MYH1: variants seen among roughly 807,000 people sequenced by gnomAD.
MYH1 encodes the protein myosin heavy chain 1, also known as myosin-1.
Under a neutral mutation model 225.6 loss-of-function variants are expected in MYH1, and 214 were observed. The observed-to-expected ratio is 0.95, with a 90% confidence interval of 0.85 to 1.06. The LOEUF is 1.06. MYH1 is among the 50% of genes least tolerant of loss of function. The pLI is 0.00. For synonymous variants in MYH1, 774 were observed against 842.3 expected (o/e 0.92, Z 1.40); for missense variants, 2,098 against 2,344.2 (o/e 0.89, Z 2.17).
At position 10,497,414 on chromosome 17, in the gene MYH1, A is replaced by G. The variant is rs375586690; in HGVS notation, c.4404T>C (p.His1468=). ...AEWKQKCEET[H]AELEASQKES... ...CCTTTTGAGAAGCTTCAAGTTCAGC[A>G]TGAGTTTCTTCACACTTCTGTTTCC... The change falls in exon 32 of 40, where the codon CAT becomes CAC. Residue 1468 remains histidine (H), a synonymous_variant. Coordinates refer to ENST00000226207, the MANE Select transcript of MYH1 (RefSeq NM_005963.4). The G allele has an allele frequency of 2.5e-5, 40 of 1,612,064 alleles. No individual in the cohort carries two copies. Among genetic ancestry groups the G allele is most frequent in the Middle Eastern group, 1.7e-4 (1 of 5,904 alleles).
At position 10,492,480 on chromosome 17, in the gene MYH1, G is replaced by C. The variant is rs536586200; in HGVS notation, c.5756C>G (p.Ser1919Cys). 6.2e-7 allele frequency: 1 copy of C among 1,614,120 alleles called. No homozygotes were observed. The highest frequency in any genetic ancestry group is 1.3e-5 in the African/African-American group (1 of 75,034). ...EAEERADIAESQVNKLRVKSR... is the reference protein window; with the variant it reads ...EAEERADIAECQVNKLRVKSR... ...CTTCACCCTCAGCTTGTTGACCTGG[G>C]ACTCAGCAATGTCAGCCCGTTCCTC... The change falls in exon 40 of 40, where the codon TCC (serine) becomes TGC (cysteine). Residue 1919 changes from serine to cysteine, a missense_variant. Coordinates refer to ENST00000226207, the MANE Select transcript of MYH1 (RefSeq NM_005963.4).
At position 10,496,762 on chromosome 17, in the gene MYH1, T is replaced by A. The variant is rs915431957; in HGVS notation, c.4657-213A>T. On this transcript the variant is annotated intron_variant, in intron 33 of 39. Transcript: ENST00000226207. ...CCTTTGTGCTGCCATCATACATTTT[T>A]ATTTTGTTGTTTTAGACATTTCTAC... is the stretch of plus-strand genomic sequence containing the variant. 2.0e-5 allele frequency among the ~76,000 whole-genome samples: 3 copies of A among 152,252 alleles called. No individual in the cohort carries two copies. In the East Asian group the frequency reaches 5.8e-4, roughly 29 times the overall value.
chr17:10,502,588 T>A, intron 24 of MYH1, 150 bp downstream of exon 24: 1 of 1,197,208 alleles, frequency 8.4e-7, no homozygotes. Flanking sequence ...TGTGTGTACA[T>A]CTTAGACCTT....
At position 10,516,535 on chromosome 17, in the gene MYH1, T is replaced by C. The variant is rs1457111152; in HGVS notation, c.108A>G (p.Thr36=). 1.2e-6 allele frequency: 2 copies of C among 1,614,180 alleles called. No homozygotes were observed. The highest frequency in any genetic ancestry group is 1.7e-5 in the Admixed American group (1 of 60,012). The change falls in exon 3 of 40, where the codon ACA becomes ACG. Residue 36 remains threonine, a synonymous_variant. Transcript: ENST00000226207. ...CCTTAGGGTCCACCACAAAGACTGA[T>C]GTCTTGGCATCAAAAGGCTTGTTCT... The part of the protein sequence containing the change: ...EAQNKPFDAK[T]SVFVVDPKES...
intron 16 of MYH1, 108 bp downstream of exon 16, chr17:10,508,255 G>T: frequency 2.4e-6 from 3 of 1,271,944 alleles, no homozygotes; most frequent in South Asian, 3.0e-5. Flanking sequence ...CTGACCTCAG[G>T]CAATCTACCC....
intron 22 of MYH1, 91 bp downstream of exon 22, chr17:10,504,719 C>T: frequency 2.9e-6 from 4 of 1,402,794 alleles, no homozygotes; most frequent in Non-Finnish European, 3.9e-6. Flanking sequence ...CATAATCTGT[C>T]CCTTATTTGG....
intron 22 of MYH1, among the ~76,000 whole-genome samples, chr17:10,503,910 T>C (rs550577067): frequency 6.6e-6 from 1 of 152,236 alleles, no homozygotes; most frequent in East Asian, 1.9e-4. Context: ...CTCCTGTTTC[T>C]TGAAGGCACG....
intron 38 of MYH1, 37 bp downstream of exon 38, chr17:10,494,532 G>A (rs1251966425): frequency 1.9e-6 from 3 of 1,611,710 alleles, no homozygotes; most frequent in South Asian, 2.2e-5. Context: ...ATCCCATGTG[G>A]ACTAAAGTGA....
At chr17:10,502,179 C>G (rs1418325671) in intron 24 of MYH1, among the ~76,000 whole-genome samples, 1 of 152,188 alleles carries the variant, frequency 6.6e-6, no homozygotes, top group Admixed American at 6.5e-5. Context: ...CAATACTTTT[C>G]CAGCTGGGAT....
At position 10,507,919 on chromosome 17, in the gene MYH1, A is replaced by G. The variant is rs968387289; in HGVS notation, c.1935T>C (p.Gly645=). The G allele has an allele frequency of 8.7e-6, 14 of 1,613,592 alleles. No homozygotes were observed. In the African/African-American group the frequency reaches 1.9e-4, roughly 22 times the overall value. Residue 645 remains glycine (G), a synonymous_variant, in exon 17 of 40, where the codon GGT becomes GGC. Coordinates refer to ENST00000226207, the MANE Select transcript of MYH1 (RefSeq NM_005963.4). ...GGGKKGGKKK[G]SSFQTVSALF... Reference sequence around the variant, plus strand: ...GAGCAGACACAGTCTGGAAAGAAGAACCCTTCTTCTTACCACCTTTCTTTC... The same window carrying G: ...GAGCAGACACAGTCTGGAAAGAAGAGCCCTTCTTCTTACCACCTTTCTTTC...
In MYH1 at chr17:10,508,690, A is replaced by T. The variant is rs1473274354; in HGVS notation, c.1588-18T>A. 1.9e-6 allele frequency: 3 copies of T among 1,611,332 alleles called. No individual in the cohort carries two copies. The highest frequency in any genetic ancestry group is 4.5e-5 in the East Asian group (2 of 44,878). ...CCCATAGGCTGGAAGAATGAAAAGA[A>T]ATAAATGCCACTTGAATTCTGTCTG... On this transcript the variant is annotated intron_variant, in intron 15 of 39. Transcript: ENST00000226207.
chr17:10,512,404 G>C lies in MYH1; in HGVS notation c.1147+4C>G, dbSNP rs772652111. 4 of 1,614,032 alleles carry C rather than the reference G, an allele frequency of 2.5e-6. No individual in the cohort carries two copies. The highest frequency in any genetic ancestry group is 1.7e-5 in the Admixed American group (1 of 60,006). On this transcript the variant is annotated splice_donor_region_variant and intron_variant, in intron 12 of 39. Transcript: ENST00000226207. ...TTAAACCCAGATGGAGATTCATTTG[G>C]TACCTTCAGTGCCATCTGGCTCAGC...
chr17:10,495,969 A>ACACGCT lies in MYH1; in HGVS notation c.5144_5149dup (p.Glu1715_Arg1716dup). On this transcript the variant is annotated inframe_insertion, in exon 35 of 40. Coordinates refer to ENST00000226207, the MANE Select transcript of MYH1 (RefSeq NM_005963.4). ...ATGCACCTGGGTGTGCAGGAGCTGA[A>ACACGCT]CACGCTCACTGGCATCCAGGAGCTC... 6.2e-7 allele frequency: 1 copy of ACACGCT among 1,614,060 alleles called. No homozygotes were observed. Among genetic ancestry groups the ACACGCT allele is most frequent in the Non-Finnish European group, 8.5e-7 (1 of 1,180,018 alleles).
chr17:10,492,557 G>A lies in MYH1; in HGVS notation c.5679C>T (p.Ser1893=), dbSNP rs775718549. The change falls in exon 40 of 40, where the codon TCC becomes TCT. Residue 1893 remains serine (S), a synonymous_variant. Coordinates refer to ENST00000226207, the MANE Select transcript of MYH1 (RefSeq NM_005963.4). ...KRQAEEAEEQ[S]NVNLSKFRRI... is the part of the protein sequence containing the mutation. ...TGCGGAATTTGGAGAGGTTGACGTT[G>A]GATTGTTCCTCCTGTGAATGGAAAT... is the stretch of plus-strand genomic sequence containing the variant. 1 of 1,612,414 alleles carries A rather than the reference G, an allele frequency of 6.2e-7. No individual in the cohort carries two copies. The highest frequency in any genetic ancestry group is 2.2e-5 in the East Asian group (1 of 44,780).
At chr17:10,495,902 G>A (rs1489563946) in intron 35 of MYH1, 48 bp downstream of exon 35, 6 of 1,606,490 alleles carry the variant, frequency 3.7e-6, no homozygotes, top group Non-Finnish European at 4.3e-6. Context: ...CAGCAAGAAT[G>A]TCATTTTCAT....
At chr17:10,493,967 A>T (rs563237283) in intron 39 of MYH1, among the ~76,000 whole-genome samples, 2 of 152,306 alleles carry the variant, frequency 1.3e-5, no homozygotes, top group East Asian at 3.9e-4. Context: ...GCTCTTTTTA[A>T]AAAATATAGA....
chr17:10,512,331 AAAG>A (rs1228871145), intron 12 of MYH1, 74 bp downstream of exon 12: 10 of 1,611,544 alleles, frequency 6.2e-6, no homozygotes, highest in Non-Finnish European at 7.6e-6. Flanking sequence ...GCTCAGCTGT[AAAG>A]AAGACTTGAA....
intron 2 of MYH1, among the ~76,000 whole-genome samples, chr17:10,517,149 G>C (rs993257515): frequency 3.3e-5 from 5 of 152,134 alleles, no homozygotes; most frequent in African/African-American, 9.7e-5. Flanking sequence ...ACAGAGAAAG[G>C]CTCAAAGCTG....
intron 14 of MYH1, 116 bp downstream of exon 14, chr17:10,511,723 A>T (rs4791997): frequency 0.93 from 1,406,924 of 1,508,110 alleles, 658,420 homozygotes; most frequent in East Asian, 1. Flanking sequence ...GTTAAGTTTA[A>T]AGTGCAGCTA....
Sources: gnomAD v4.1 joint callset for allele counts (sites outside exome capture counted in the v4.1 genomes callset) on GRCh38, gnomAD v4.1.1 for gene constraint, MANE v1.5 for transcripts, NCBI Gene and HGNC (gene_info 2026-07-23, HGNC 2026-07-21) for gene names.